The following NR5A1 variants were observed in gnomAD, a reference collection of about 807,000 sequenced individuals.
The protein encoded by NR5A1 is nuclear receptor subfamily 5 group A member 1.
A neutral mutation model predicts 42.7 loss-of-function variants in NR5A1; 6 were observed. That is an observed-to-expected ratio of 0.14 (90% CI 0.08 to 0.28). The LOEUF is 0.28. Ranked by LOEUF, NR5A1 falls within the 10% of genes least tolerant of loss-of-function variation. The probability of loss-of-function intolerance (pLI) is 1.00; values close to 1 mark genes in which losing one functional copy is unlikely to be tolerated. For missense variants in NR5A1, 442 were observed against 626.4 expected, an observed-to-expected ratio of 0.71 and a Z score of 3.14; for synonymous variants, 274 against 277.5, an observed-to-expected ratio of 0.99 and a Z score of 0.12.
chr9:124,490,502 C>G (rs1255246274), intron 6 of NR5A1, among the ~76,000 whole-genome samples: 1 of 152,148 alleles, frequency 6.6e-6, no homozygotes, highest in Non-Finnish European at 1.5e-5. Flanking sequence ...CTCTGCCTCT[C>G]CTCTGCTTTC....
In NR5A1 at chr9:124,484,840, G is replaced by C. The variant is rs896546220; in HGVS notation, c.1139-1835C>G. Among the ~76,000 whole-genome samples the C allele has an allele frequency of 2.8e-4, 43 of 152,134 alleles. 1 individual carries two copies. The highest frequency in any genetic ancestry group is 4.4e-4 in the Non-Finnish European group (30 of 68,010). ...AAGACAGGGGCAAACAGGACGACCCGCATTAAACATCAAGGAAGGGCTCCC... is the reference window on the plus strand; with the variant it reads ...AAGACAGGGGCAAACAGGACGACCCCCATTAAACATCAAGGAAGGGCTCCC... On this transcript the variant is annotated intron_variant, in intron 6 of 6. Coordinates refer to ENST00000373588, the MANE Select transcript of NR5A1 (RefSeq NM_004959.5).
chr9:124,487,524 T>A (rs2131273743), intron 6 of NR5A1, among the ~76,000 whole-genome samples: 1 of 152,354 alleles, frequency 6.6e-6, no homozygotes, highest in Non-Finnish European at 1.5e-5. Context: ...TAATTTTAAT[T>A]AAACCTCCTT....
At position 124,496,257 on chromosome 9, in the gene NR5A1, C is replaced by T. The variant is rs1287264577; in HGVS notation, c.871-3108G>A. Among the ~76,000 whole-genome samples, 1 of 152,146 alleles carries T rather than the reference C, an allele frequency of 6.6e-6. No homozygotes were observed. The highest frequency in any genetic ancestry group is 2.4e-5 in the African/African-American group (1 of 41,418). On this transcript the variant is annotated intron_variant, in intron 4 of 6. Transcript: ENST00000373588. The surrounding 1 kb of genome is among the most constrained non-coding windows in gnomAD (Gnocchi z 5.0). ...CCACAGGGCCATAGCTGCCAGCCCC[C>T]CTGCATGAGAAAGCAGGTGGCTAAG...
At chr9:124,506,648 T>A (rs1402715358) in intron 1 of NR5A1, among the ~76,000 whole-genome samples, 1 of 152,058 alleles carries the variant, frequency 6.6e-6, no homozygotes, top group Non-Finnish European at 1.5e-5. Context: ...CAATCCCCTC[T>A]CCCCAAGGGT....
At chr9:124,483,277 A>G (rs1255814655) in intron 6 of NR5A1, among the ~76,000 whole-genome samples, 1 of 152,084 alleles carries the variant, frequency 6.6e-6, no homozygotes, top group African/African-American at 2.4e-5. Flanking sequence ...CAACCACCCA[A>G]CCACAGTCAC....
chr9:124,493,665 C>G (rs1460318083), intron 4 of NR5A1, among the ~76,000 whole-genome samples: 1 of 152,244 alleles, frequency 6.6e-6, no homozygotes, highest in Non-Finnish European at 1.5e-5. Flanking sequence ...GGCTTCCCCC[C>G]CGGGCCTACG....
At chr9:124,486,233 G>C (rs1032520350) in intron 6 of NR5A1, among the ~76,000 whole-genome samples, 57 of 152,174 alleles carry the variant, frequency 3.7e-4, no homozygotes, top group African/African-American at 1.4e-3. Flanking sequence ...ACAGGGCCGG[G>C]GGAGGGAAGC....
At chr9:124,483,147 T>C (rs1832155510) in intron 6 of NR5A1, 142 bp from the exon 7 acceptor site, 5 of 1,577,952 alleles carry the variant, frequency 3.2e-6, no homozygotes, top group East Asian at 4.5e-5. Context: ...CCATGCAACA[T>C]GGTCTCCCCG....
At position 124,500,733 on chromosome 9, in the gene NR5A1, G is replaced by T; in HGVS notation, c.245-18C>A. 6.2e-7 allele frequency: 1 copy of T among 1,612,402 alleles called. No homozygotes were observed. The highest frequency in any genetic ancestry group is 8.5e-7 in the Non-Finnish European group (1 of 1,180,022). On this transcript the variant is annotated intron_variant, in intron 3 of 6. Transcript: ENST00000373588. The surrounding 1 kb of genome is among the most constrained non-coding windows in gnomAD (Gnocchi z 6.9). ...GCGCACGGCTGTGGGCAGGGGCAGA[G>T]GGTCAGACTCACCCTCTCTAAGCCC...
chr9:124,503,290 T>C lies in NR5A1; in HGVS notation c.102+4A>G, dbSNP rs776778342. 3.1e-6 allele frequency: 5 copies of C among 1,610,076 alleles called. No individual in the cohort carries two copies. In the Admixed American group the frequency reaches 6.7e-5, roughly 22 times the overall value. On this transcript the variant is annotated splice_donor_region_variant and intron_variant, in intron 2 of 6. Coordinates refer to ENST00000373588, the MANE Select transcript of NR5A1 (RefSeq NM_004959.5). This position sits in a 1 kb window ranked among gnomAD's most constrained non-coding sequence, Gnocchi z 9.6. ...CGCACCCCTGCCGCGCGCTCGCCGCTCACCTTGCAGCTCTCACACGTGAGC... is the reference window on the plus strand; with the variant it reads ...CGCACCCCTGCCGCGCGCTCGCCGCCCACCTTGCAGCTCTCACACGTGAGC...
At chr9:124,487,763 A>G (rs754376524) in intron 6 of NR5A1, among the ~76,000 whole-genome samples, 2 of 152,142 alleles carry the variant, frequency 1.3e-5, no homozygotes, top group African/African-American at 4.8e-5. Context: ...TCCGGGTCCC[A>G]GTTTCCCTGG....
At position 124,499,852 on chromosome 9, in the gene NR5A1, CAGCAGTGGCTCCTTG is replaced by C. The variant is rs573673404; in HGVS notation, c.870+223_870+237del. 1.1e-3 allele frequency among the ~76,000 whole-genome samples: 168 copies of C among 152,270 alleles called. 1 individual carries two copies. The Middle Eastern group carries it at 0.014, about 12-fold the overall frequency. ...GAAGAGACAGAGGCAGAGATCAAAGCAGCAGTGGCTCCTTGAGCAGAGGCTCAAGGAGGAGAGAAG... is the reference window on the plus strand; with the variant it reads ...GAAGAGACAGAGGCAGAGATCAAAGCAGCAGAGGCTCAAGGAGGAGAGAAG... On this transcript the variant is annotated intron_variant, in intron 4 of 6. Transcript: ENST00000373588.
intron 6 of NR5A1, among the ~76,000 whole-genome samples, chr9:124,487,534 T>G (rs1291356032): frequency 6.6e-6 from 1 of 152,252 alleles, no homozygotes; most frequent in Non-Finnish European, 1.5e-5. Context: ...TAAACCTCCT[T>G]ACCTGCCTCC....
Position 124,483,279 on chromosome 9 carries a change from C to G in NR5A1, c.1139-274G>C, listed in dbSNP as rs915033. Among the ~76,000 whole-genome samples, 86,614 of 152,146 alleles carry G rather than the reference C, an allele frequency of 0.57. 25,800 individuals are homozygous for G. The highest frequency in any genetic ancestry group is 0.77 in the East Asian group (3,968 of 5,158). On this transcript the variant is annotated intron_variant, in intron 6 of 6. Coordinates refer to ENST00000373588, the MANE Select transcript of NR5A1 (RefSeq NM_004959.5). ...CCACCGCCACCATCAACCACCCAACCACAGTCACCTGTCACCATCATCACT... is the reference window on the plus strand; with the variant it reads ...CCACCGCCACCATCAACCACCCAACGACAGTCACCTGTCACCATCATCACT...
intron 6 of NR5A1, among the ~76,000 whole-genome samples, chr9:124,485,756 G>A (rs1281459898): frequency 6.6e-6 from 1 of 152,190 alleles, no homozygotes; most frequent in Non-Finnish European, 1.5e-5. Flanking sequence ...CTACTCCCTA[G>A]CCTGGGCTGC....
In NR5A1 at chr9:124,482,736, C is replaced by G; in HGVS notation, c.*22G>C. ...CCGCCCCCAGTCCCGCCCCCAGTCCCGGCCCCGCCCCCGGCCCAGGCTCAA... is the reference window on the plus strand; with the variant it reads ...CCGCCCCCAGTCCCGCCCCCAGTCCGGGCCCCGCCCCCGGCCCAGGCTCAA... On this transcript the variant is annotated 3_prime_UTR_variant, in exon 7 of 7. Transcript: ENST00000373588. 5 of 1,516,878 alleles carry G rather than the reference C, an allele frequency of 3.3e-6. No homozygotes were observed. The highest frequency in any genetic ancestry group is 3.5e-6 in the Non-Finnish European group (4 of 1,129,512). 94.0% of individuals were successfully genotyped at this position (1,516,878 alleles called of 1,614,324 possible).
chr9:124,495,926 A>G (rs1832384979), intron 4 of NR5A1, among the ~76,000 whole-genome samples: 1 of 152,210 alleles, frequency 6.6e-6, no homozygotes, highest in Non-Finnish European at 1.5e-5. Flanking sequence ...CCATCCGGCC[A>G]TGCATCCTCC....
intron 6 of NR5A1, among the ~76,000 whole-genome samples, chr9:124,487,960 G>C (rs1317284272): frequency 6.6e-6 from 1 of 152,162 alleles, no homozygotes; most frequent in Non-Finnish European, 1.5e-5. Context: ...GTTACTGCCT[G>C]CTTAAGGGAA....
intron 6 of NR5A1, among the ~76,000 whole-genome samples, chr9:124,484,199 G>A (rs1832172923): frequency 6.6e-6 from 1 of 152,180 alleles, no homozygotes; most frequent in South Asian, 2.1e-4. Context: ...CGGAATGCAT[G>A]TTTTTCAACT....
Sources: gnomAD v4.1 joint callset for allele counts (sites outside exome capture counted in the v4.1 genomes callset) on GRCh38, gnomAD v4.1.1 for gene constraint, Gnocchi (gnomAD v3.1) non-coding constraint, MANE v1.5 for transcripts, NCBI Gene and HGNC (gene_info 2026-07-23, HGNC 2026-07-21) for gene names.